Variants in CYB5R4 observed in about 807,000 individuals in gnomAD.
The protein encoded by CYB5R4 is cytochrome b5 reductase 4, also known as N-terminal cytochrome b5 and cytochrome b5 oxidoreductase domain-containing protein.
In CYB5R4, 55 loss-of-function variants were observed where a neutral mutation model predicts 70.2. That is an observed-to-expected ratio of 0.78 (90% CI 0.63 to 0.98). The LOEUF is 0.98. CYB5R4 is among the 50% of genes least tolerant of loss of function. The pLI is 0.00. For missense variants in CYB5R4, 562 were observed against 612.6 expected (o/e 0.92, Z 0.87); for synonymous variants, 197 against 199.5 (o/e 0.99, Z 0.11).
intron 4 of CYB5R4, among the ~76,000 whole-genome samples, chr6:83,912,472 A>G (rs1407792801): frequency 6.6e-6 from 1 of 152,198 alleles, no homozygotes; most frequent in Non-Finnish European, 1.5e-5. Context: ...GAGGTAAACT[A>G]GATTTGGGTC....
Position 83,915,204 on chromosome 6 carries a change from G to C in CYB5R4, c.445+756G>C, listed in dbSNP as rs1053126708. Among the ~76,000 whole-genome samples, 9 of 152,206 alleles carry C rather than the reference G, an allele frequency of 5.9e-5. 1 individual carries two copies. Among genetic ancestry groups the C allele is most frequent in the African/African-American group, 2.2e-4 (9 of 41,528 alleles). ...CCCCCGCAAAAAAGTTTGGCATGGT[G>C]GTCACTACTGACATAAAATGCATGG... On this transcript the variant is annotated intron_variant, in intron 5 of 15. Transcript: ENST00000369681.
chr6:83,919,984 A>G (rs2099466117), intron 7 of CYB5R4, among the ~76,000 whole-genome samples: 2 of 152,202 alleles, frequency 1.3e-5, no homozygotes, highest in Admixed American at 1.3e-4. Flanking sequence ...AACCATCAAA[A>G]CTAAAGTTAG....
intron 15 of CYB5R4, among the ~76,000 whole-genome samples, chr6:83,957,318 A>G (rs2099472568): frequency 6.6e-6 from 1 of 152,146 alleles, no homozygotes. Flanking sequence ...AGATTGCAAT[A>G]TAATAATACT....
intron 14 of CYB5R4, among the ~76,000 whole-genome samples, chr6:83,952,851 C>CT (rs1263016155): frequency 2.0e-5 from 3 of 152,068 alleles, no homozygotes; most frequent in South Asian, 2.1e-4. Context: ...GCTCTGTGGA[C>CT]TATATGTTTT....
At chr6:83,879,489 G>A (rs1290014941) in intron 2 of CYB5R4, among the ~76,000 whole-genome samples, 4 of 152,080 alleles carry the variant, frequency 2.6e-5, no homozygotes, top group Admixed American at 2.6e-4. Context: ...CCGGTGGTGG[G>A]AGGCTTTACT....
intron 4 of CYB5R4, among the ~76,000 whole-genome samples, chr6:83,914,178 A>T (rs2099465119): frequency 6.6e-6 from 1 of 152,178 alleles, no homozygotes; most frequent in African/African-American, 2.4e-5. Context: ...AATTAGAAAA[A>T]ATCCAAATGA....
In CYB5R4 at chr6:83,940,607, A is replaced by G. The variant is rs1285385688; in HGVS notation, c.1346+6A>G. The G allele has an allele frequency of 1.9e-6, 3 of 1,596,650 alleles. No individual in the cohort carries two copies. The South Asian group carries it at 3.4e-5, about 18-fold the overall frequency. On this transcript the variant is annotated splice_donor_region_variant and intron_variant, in intron 14 of 15. Transcript: ENST00000369681. ...TTAGCATTTAAAGATAAAAGGTATT[A>G]AACTGATATTAGCTCTGCGTTTAGT...
intron 2 of CYB5R4, among the ~76,000 whole-genome samples, chr6:83,879,210 C>T (rs1588561804): frequency 6.6e-6 from 1 of 151,910 alleles, no homozygotes; most frequent in East Asian, 1.9e-4. Context: ...GTTTCATGAG[C>T]CTCTTCCCTT....
intron 2 of CYB5R4, among the ~76,000 whole-genome samples, chr6:83,887,001 A>G (rs1036279938): frequency 2.0e-5 from 3 of 152,134 alleles, no homozygotes; most frequent in Admixed American, 1.3e-4. Flanking sequence ...TAAATATTTT[A>G]TTGTAGGATG....
intron 2 of CYB5R4, among the ~76,000 whole-genome samples, chr6:83,878,895 T>A (rs189908732): frequency 6.6e-6 from 1 of 152,270 alleles, no homozygotes; most frequent in Admixed American, 6.5e-5. Context: ...CCTGCAATGC[T>A]AGAGGGTTTT....
intron 2 of CYB5R4, among the ~76,000 whole-genome samples, chr6:83,868,429 A>C (rs1177162609): frequency 6.6e-6 from 1 of 152,216 alleles, no homozygotes; most frequent in Non-Finnish European, 1.5e-5. Flanking sequence ...AAATGATGGT[A>C]TAAAAACAGC....
intron 5 of CYB5R4, among the ~76,000 whole-genome samples, chr6:83,916,491 T>G (rs1218874615): frequency 6.6e-6 from 1 of 152,188 alleles, no homozygotes; most frequent in Non-Finnish European, 1.5e-5. Flanking sequence ...TTTACCATAT[T>G]AGAAAAAATA....
chr6:83,948,482 A>C (rs1447599133), intron 14 of CYB5R4, among the ~76,000 whole-genome samples: 1 of 152,082 alleles, frequency 6.6e-6, no homozygotes, highest in Admixed American at 6.6e-5. Flanking sequence ...TGCACGTTCT[A>C]CACATGTATC....
intron 4 of CYB5R4, among the ~76,000 whole-genome samples, chr6:83,913,639 G>T (rs2099465038): frequency 6.6e-6 from 1 of 152,120 alleles, no homozygotes; most frequent in African/African-American, 2.4e-5. Flanking sequence ...CAAAAAATTT[G>T]AAAGCTTTGA....
intron 2 of CYB5R4, among the ~76,000 whole-genome samples, chr6:83,872,572 C>T (rs761047373): frequency 3.3e-5 from 5 of 152,192 alleles, no homozygotes; most frequent in Non-Finnish European, 7.3e-5. Flanking sequence ...CCAGGACCTG[C>T]TTTCACATTA....
intron 3 of CYB5R4, among the ~76,000 whole-genome samples, chr6:83,906,521 T>A (rs776458718): frequency 2.0e-5 from 3 of 152,224 alleles, no homozygotes; most frequent in Non-Finnish European, 4.4e-5. Context: ...CTTCTGTGGC[T>A]AGGATTGCAT....
At chr6:83,952,853 A>C (rs972931756) in intron 14 of CYB5R4, among the ~76,000 whole-genome samples, 1 of 152,134 alleles carries the variant, frequency 6.6e-6, no homozygotes, top group Non-Finnish European at 1.5e-5. Context: ...TCTGTGGACT[A>C]TATGTTTTTG....
intron 10 of CYB5R4, among the ~76,000 whole-genome samples, chr6:83,928,690 A>G (rs1442326304): frequency 2.0e-5 from 3 of 152,208 alleles, no homozygotes; most frequent in East Asian, 1.9e-4. Context: ...TAGAGAAATG[A>G]TAGTGTGATA....
intron 4 of CYB5R4, among the ~76,000 whole-genome samples, chr6:83,910,452 T>C (rs1219795773): frequency 1.3e-5 from 2 of 152,158 alleles, no homozygotes; most frequent in Admixed American, 6.6e-5. Context: ...CCTTCTGCTA[T>C]AGGGCCCGTT....
Sources: gnomAD v4.1 joint callset for allele counts (sites outside exome capture counted in the v4.1 genomes callset) on GRCh38, gnomAD v4.1.1 for gene constraint, MANE v1.5 for transcripts, NCBI Gene and HGNC (gene_info 2026-07-23, HGNC 2026-07-21) for gene names.